The following VPS45 variants were observed in gnomAD, a reference collection of about 807,000 sequenced individuals.
VPS45 encodes the protein vacuolar protein sorting-associated protein 45.
VPS45 carries 35 observed loss-of-function variants against 75.9 expected under a neutral mutation model. That is an observed-to-expected ratio of 0.46 (90% confidence interval 0.35 to 0.61). The LOEUF (loss-of-function observed/expected upper bound fraction) is 0.61. Ranked by LOEUF, VPS45 falls within the 20% of genes least tolerant of loss-of-function variation. The probability of loss-of-function intolerance (pLI) is 0.00; values close to 1 mark genes in which losing one functional copy is unlikely to be tolerated. For missense variants in VPS45, 559 were observed against 685.9 expected, an observed-to-expected ratio of 0.81 and a Z score of 2.07; for synonymous variants, 220 against 238.2, an observed-to-expected ratio of 0.92 and a Z score of 0.70.
chr1:150,074,253 C>T (rs1655244992), intron 3 of VPS45, among the ~76,000 whole-genome samples: 1 of 151,840 alleles, frequency 6.6e-6, no homozygotes, highest in Non-Finnish European at 1.5e-5. Context: ...AAACTCCTGA[C>T]CTTGGGTGAT....
chr1:150,141,635 T>A (rs1553815297), intron 14 of VPS45, among the ~76,000 whole-genome samples: 2 of 152,158 alleles, frequency 1.3e-5, no homozygotes, highest in East Asian at 3.8e-4. Flanking sequence ...CTTCCTTCTA[T>A]ACATGGAGTC....
chr1:150,103,250 A>G (rs1553804966), intron 13 of VPS45, among the ~76,000 whole-genome samples: 1 of 152,150 alleles, frequency 6.6e-6, no homozygotes, highest in Non-Finnish European at 1.5e-5. Context: ...CTTAGCTTCA[A>G]CCATCATATG....
chr1:150,070,145 C>T (rs868921991), intron 2 of VPS45, among the ~76,000 whole-genome samples: 54 of 152,118 alleles, frequency 3.5e-4, no homozygotes, highest in African/African-American at 1.1e-3. Flanking sequence ...AAACCTGCCC[C>T]TTATATGCAT....
In VPS45 at chr1:150,082,717, C is replaced by T. The variant is rs1655785345; in HGVS notation, c.938C>T (p.Ala313Val). ...CCATTGATGTTTTTCCCATGGCAGG[C>T]GTTTGTTGAGAATTATCCACAGTTC... ...QKLESIADMKAFVENYPQFKK... is the reference protein window; with the variant it reads ...QKLESIADMKVFVENYPQFKK... Residue 313 changes from alanine to valine, a missense_variant and splice_region_variant, in exon 10 of 15, where the codon GCG (alanine) becomes GTG (valine). Coordinates refer to ENST00000644510, the MANE Select transcript of VPS45 (RefSeq NM_007259.5). The T allele has an allele frequency of 9.3e-6, 15 of 1,610,738 alleles. No individual in the cohort carries two copies. The highest frequency in any genetic ancestry group is 1.2e-5 in the Non-Finnish European group (14 of 1,178,324).
intron 3 of VPS45, among the ~76,000 whole-genome samples, chr1:150,072,655 T>C: frequency 8.0e-4 from 1 of 1,254 alleles, no homozygotes; most frequent in Non-Finnish European, 2.4e-3. Flanking sequence ...AAACTCCATC[T>C]CAAAAAAAAA....
intron 14 of VPS45, among the ~76,000 whole-genome samples, chr1:150,122,410 A>G (rs1352509843): frequency 6.6e-6 from 1 of 152,056 alleles, no homozygotes; most frequent in Non-Finnish European, 1.5e-5. Context: ...AGAATCATGC[A>G]ATGCGTTGGA....
At chr1:150,079,263 T>C (rs1655563756) in intron 7 of VPS45, among the ~76,000 whole-genome samples, 1 of 152,224 alleles carries the variant, frequency 6.6e-6, no homozygotes, top group Non-Finnish European at 1.5e-5. Context: ...TGTCTCATGC[T>C]GTACTTGCCA....
At chr1:150,078,101 A>T (rs1207477729) in intron 7 of VPS45, among the ~76,000 whole-genome samples, 1 of 152,070 alleles carries the variant, frequency 6.6e-6, no homozygotes, top group Non-Finnish European at 1.5e-5. Context: ...CTTGGTCTAG[A>T]TCCTAATCTC....
chr1:150,111,585 G>A (rs1342060222), intron 14 of VPS45, among the ~76,000 whole-genome samples: 2 of 152,182 alleles, frequency 1.3e-5, no homozygotes, highest in African/African-American at 4.8e-5. Context: ...ACCGTGACAT[G>A]ATTGTTGAAT....
chr1:150,093,673 TA>T (rs782782368), intron 13 of VPS45, 25 bp downstream of exon 13: 1 of 1,601,050 alleles, frequency 6.2e-7, no homozygotes, highest in Non-Finnish European at 8.5e-7. Flanking sequence ...ATATTAATAA[TA>T]AAAGCCAGAA....
intron 14 of VPS45, among the ~76,000 whole-genome samples, chr1:150,142,546 G>T (rs1553815522): frequency 6.6e-6 from 1 of 152,218 alleles, no homozygotes; most frequent in East Asian, 1.9e-4. Context: ...ATCTTTCAAT[G>T]CAAGATGGTA....
intron 13 of VPS45, among the ~76,000 whole-genome samples, chr1:150,106,722 C>A (rs1039220107): frequency 1.3e-5 from 2 of 152,116 alleles, no homozygotes. Context: ...ACTCAATTTT[C>A]TTTTGTTAAA....
intron 2 of VPS45, among the ~76,000 whole-genome samples, chr1:150,069,558 G>A (rs1654920971): frequency 2.1e-5 from 3 of 143,920 alleles, no homozygotes; most frequent in African/African-American, 5.2e-5. Flanking sequence ...CCGGGTTCAC[G>A]CCATTCTCCT....
intron 10 of VPS45, among the ~76,000 whole-genome samples, chr1:150,083,657 T>G (rs1422099563): frequency 1.3e-5 from 2 of 148,304 alleles, no homozygotes; most frequent in Non-Finnish European, 3.0e-5. Context: ...TAAATATTGA[T>G]ATATATATAT....
intron 14 of VPS45, among the ~76,000 whole-genome samples, chr1:150,131,208 T>C (rs980227032): frequency 3.9e-5 from 6 of 152,132 alleles, no homozygotes; most frequent in Non-Finnish European, 5.9e-5. Flanking sequence ...CTGCTGCTGA[T>C]TCTTAAAAAT....
intron 13 of VPS45, chr1:150,109,878 T>C (rs1354105395): frequency 1.3e-5 from 2 of 152,192 alleles, no homozygotes; most frequent in Non-Finnish European, 2.9e-5. Context: ...TTCTTTTTCT[T>C]GGTTTATCAA....
intron 6 of VPS45, 122 bp downstream of exon 6, chr1:150,077,353 G>T: frequency 8.1e-7 from 1 of 1,239,540 alleles, no homozygotes; most frequent in South Asian, 1.5e-5. Flanking sequence ...AGGTTTCCGC[G>T]AAAAGAGGTA....
Position 150,144,903 on chromosome 1 carries a change from A to T in VPS45, c.*107A>T. ...AGCTTTGGGTTCTGTGCTGGTTGTT[A>T]GAACTCATCTCCAGGTAGCCCACGG... is the stretch of plus-strand genomic sequence containing the variant. On this transcript the variant is annotated 3_prime_UTR_variant, in exon 15 of 15. Coordinates refer to ENST00000644510, the MANE Select transcript of VPS45 (RefSeq NM_007259.5). 1 of 1,568,370 alleles carries T rather than the reference A, an allele frequency of 6.4e-7. No homozygotes were observed. Among genetic ancestry groups the T allele is most frequent in the South Asian group, 1.2e-5 (1 of 86,602 alleles).
intron 14 of VPS45, among the ~76,000 whole-genome samples, chr1:150,124,972 C>T (rs187003723): frequency 1.1e-4 from 16 of 151,894 alleles, no homozygotes; most frequent in Non-Finnish European, 1.8e-4. Flanking sequence ...TCCCATGTTA[C>T]TAAAAAGTCT....
Sources: allele counts gnomAD v4.1 joint callset (sites outside exome capture counted in the v4.1 genomes callset), GRCh38; gene constraint gnomAD v4.1.1; transcripts MANE v1.5; gene names NCBI Gene and HGNC (gene_info 2026-07-23, HGNC 2026-07-21).